LRFN5: variants seen among roughly 807,000 people sequenced by gnomAD.
LRFN5 encodes the protein leucine rich repeat and fibronectin type III domain containing 5.
Under a neutral mutation model 45.6 loss-of-function variants are expected in LRFN5, and 24 were observed. The observed-to-expected ratio is 0.53, with a 90% CI of 0.38 to 0.74. LRFN5 has a LOEUF of 0.74. Ranked by LOEUF, LRFN5 falls within the 30% of genes least tolerant of loss-of-function variation. The pLI, the probability that LRFN5 is intolerant of heterozygous loss-of-function variation, is 0.00. For synonymous variants in LRFN5, 340 were observed against 313.8 expected, an observed-to-expected ratio of 1.08 and a Z score of -0.88; for missense variants, 776 against 861.5, an observed-to-expected ratio of 0.90 and a Z score of 1.24.
chr14:41,682,535 T>G (rs1460660655), intron 1 of LRFN5, among the ~76,000 whole-genome samples: 2 of 152,114 alleles, frequency 1.3e-5, no homozygotes, highest in Non-Finnish European at 2.9e-5. Flanking sequence ...TGAAGTTATT[T>G]TTTTGAAAAG....
intron 1 of LRFN5, among the ~76,000 whole-genome samples, chr14:41,710,923 C>T (rs1883257709): frequency 6.6e-6 from 1 of 152,004 alleles, no homozygotes; most frequent in South Asian, 2.1e-4. Flanking sequence ...ATCCATGTAC[C>T]TACAAAGGAC....
intron 2 of LRFN5, among the ~76,000 whole-genome samples, chr14:41,883,148 C>T (rs1213428502): frequency 2.0e-5 from 3 of 150,330 alleles, no homozygotes; most frequent in Non-Finnish European, 4.4e-5. Context: ...CACCACCCCC[C>T]GCCATTTCCC....
chr14:41,896,567 A>C (rs1211307107), intron 4 of LRFN5, among the ~76,000 whole-genome samples: 1 of 152,190 alleles, frequency 6.6e-6, no homozygotes, highest in Non-Finnish European at 1.5e-5. Context: ...ATTTATATAC[A>C]AGAAATATGT....
chr14:41,838,342 A>T (rs548375262), intron 2 of LRFN5, among the ~76,000 whole-genome samples: 23 of 152,254 alleles, frequency 1.5e-4, no homozygotes, highest in Admixed American at 1.2e-3. Context: ...CCCAAGGGAG[A>T]TGCTAATGAA....
chr14:41,638,115 T>C (rs1246207733), intron 1 of LRFN5, among the ~76,000 whole-genome samples: 2 of 152,042 alleles, frequency 1.3e-5, no homozygotes, highest in African/African-American at 2.4e-5. Context: ...CAGTAACCTA[T>C]CCATATGGAT....
At chr14:41,676,206 A>G (rs955533388) in intron 1 of LRFN5, among the ~76,000 whole-genome samples, 19 of 152,230 alleles carry the variant, frequency 1.2e-4, no homozygotes, top group African/African-American at 4.3e-4. Flanking sequence ...CCCTCTCTCA[A>G]CCTTCTACAG....
intron 1 of LRFN5, among the ~76,000 whole-genome samples, chr14:41,742,219 T>C (rs1425645246): frequency 6.6e-6 from 1 of 151,672 alleles, no homozygotes; most frequent in Admixed American, 6.7e-5. Flanking sequence ...TACTTTCATG[T>C]TTATTTCAGA....
chr14:41,800,263 T>C (rs903575020), intron 2 of LRFN5, among the ~76,000 whole-genome samples: 2 of 151,866 alleles, frequency 1.3e-5, no homozygotes, highest in Admixed American at 6.6e-5. Context: ...TTGTTGTTTC[T>C]TAAAATACTG....
chr14:41,871,326 G>A (rs767708056), intron 2 of LRFN5, among the ~76,000 whole-genome samples: 2 of 152,108 alleles, frequency 1.3e-5, no homozygotes, highest in Non-Finnish European at 2.9e-5. Flanking sequence ...AGTGGCTCAT[G>A]CCTATAAGCC....
At chr14:41,663,466 T>C (rs1035757292) in intron 1 of LRFN5, among the ~76,000 whole-genome samples, 2 of 152,060 alleles carry the variant, frequency 1.3e-5, no homozygotes, top group Non-Finnish European at 2.9e-5. Context: ...GGGAAGTAAG[T>C]CTTCTAACTT....
intron 1 of LRFN5, among the ~76,000 whole-genome samples, chr14:41,675,254 G>C (rs958172410): frequency 5.3e-5 from 8 of 152,250 alleles, no homozygotes; most frequent in South Asian, 2.1e-4. Context: ...AGGCAGGCGG[G>C]TGGGAGGTGG....
chr14:41,694,528 T>G (rs1052464319), intron 1 of LRFN5, among the ~76,000 whole-genome samples: 1 of 152,040 alleles, frequency 6.6e-6, no homozygotes, highest in East Asian at 1.9e-4. Flanking sequence ...TTTTGTTCTT[T>G]TTTAAGACTG....
chr14:41,805,246 G>A (rs1206436607), intron 2 of LRFN5, among the ~76,000 whole-genome samples: 1 of 151,462 alleles, frequency 6.6e-6, no homozygotes, highest in Non-Finnish European at 1.5e-5. Context: ...TGGTTATTAT[G>A]AAAGTGAAAA....
intron 1 of LRFN5, among the ~76,000 whole-genome samples, chr14:41,686,481 T>G (rs1203620350): frequency 6.6e-6 from 1 of 152,098 alleles, no homozygotes; most frequent in African/African-American, 2.4e-5. Context: ...CTGATTGCCC[T>G]GGCCAGAACT....
At chr14:41,646,810 A>G (rs1879839170) in intron 1 of LRFN5, among the ~76,000 whole-genome samples, 1 of 152,120 alleles carries the variant, frequency 6.6e-6, no homozygotes, top group African/African-American at 2.4e-5. Flanking sequence ...CCTCCAGACA[A>G]TTTCCAGAGC....
chr14:41,786,646 AT>A (rs916112701), intron 2 of LRFN5, among the ~76,000 whole-genome samples: 7 of 147,048 alleles, frequency 4.8e-5, no homozygotes, highest in African/African-American at 7.5e-5. Context: ...TGAGGTTGTG[AT>A]TTTTTTTTAA....
chr14:41,754,370 T>A (rs569084080), intron 1 of LRFN5, among the ~76,000 whole-genome samples: 2 of 152,306 alleles, frequency 1.3e-5, no homozygotes, highest in African/African-American at 2.4e-5. Flanking sequence ...TCTGGTAGAA[T>A]TCGGCTGTGA....
At chr14:41,756,387 C>T (rs1370847638) in intron 1 of LRFN5, among the ~76,000 whole-genome samples, 4 of 152,234 alleles carry the variant, frequency 2.6e-5, no homozygotes, top group Non-Finnish European at 4.4e-5. Flanking sequence ...TTCTCCCCGT[C>T]ATTTTTAGGT....
intron 1 of LRFN5, among the ~76,000 whole-genome samples, chr14:41,741,627 T>C (rs1481436474): frequency 6.6e-6 from 1 of 151,664 alleles, no homozygotes; most frequent in Non-Finnish European, 1.5e-5. Context: ...TTCATAATTT[T>C]GGTCTGGGCA....
Sources: gnomAD v4.1 joint callset for allele counts (sites outside exome capture counted in the v4.1 genomes callset) on GRCh38, gnomAD v4.1.1 for gene constraint, MANE v1.5 for transcripts, NCBI Gene and HGNC (gene_info 2026-07-23, HGNC 2026-07-21) for gene names.